The following TMEM132B variants were observed in gnomAD, a reference collection of about 807,000 sequenced individuals.
TMEM132B encodes the protein transmembrane protein 132B.
TMEM132B carries 18 observed loss-of-function variants against 90.8 expected under a neutral mutation model. The observed-to-expected ratio is 0.20, with a 90% CI of 0.14 to 0.29. The LOEUF is 0.29. Ranked by LOEUF, TMEM132B falls within the 10% of genes least tolerant of loss-of-function variation. The probability of loss-of-function intolerance (pLI) is 1.00; values close to 1 mark genes in which losing one functional copy is unlikely to be tolerated. For synonymous variants in TMEM132B, 504 were observed against 523.3 expected (o/e 0.96, Z 0.50); for missense variants, 1,096 against 1,326.8 (o/e 0.83, Z 2.70).
At chr12:125,603,073 C>T (rs1885608772) in intron 5 of TMEM132B, among the ~76,000 whole-genome samples, 1 of 152,186 alleles carries the variant, frequency 6.6e-6, no homozygotes, top group Admixed American at 6.5e-5. Context: ...ATCAAACTAC[C>T]ATTTACATTC....
chr12:125,378,757 T>C (rs1878570756), intron 2 of TMEM132B, among the ~76,000 whole-genome samples: 1 of 152,100 alleles, frequency 6.6e-6, no homozygotes, highest in Non-Finnish European at 1.5e-5. Context: ...GACATTTCTG[T>C]CCCCACTCCT....
intron 2 of TMEM132B, among the ~76,000 whole-genome samples, chr12:125,413,098 C>T (rs550234358): frequency 2.2e-4 from 34 of 152,182 alleles, no homozygotes; most frequent in Non-Finnish European, 3.8e-4. Context: ...ATGAGATATG[C>T]AGACATTTGA....
intron 1 of TMEM132B, among the ~76,000 whole-genome samples, chr12:125,324,296 A>T (rs1876502267): frequency 6.6e-6 from 1 of 152,348 alleles, no homozygotes; most frequent in South Asian, 2.1e-4. Flanking sequence ...AAAGAGTTAG[A>T]TCCAAAACAA....
At chr12:125,622,897 A>C (rs17438004) in intron 5 of TMEM132B, among the ~76,000 whole-genome samples, 15,742 of 152,224 alleles carry the variant, frequency 0.1, 1,076 homozygotes, top group South Asian at 0.21. Flanking sequence ...TTATAGTTTC[A>C]AAACAAGTTT....
chr12:125,212,428 C>T (rs1023799642), intron 1 of TMEM132B, among the ~76,000 whole-genome samples: 2 of 152,056 alleles, frequency 1.3e-5, no homozygotes, highest in South Asian at 4.2e-4. Context: ...CGTGGTGGCT[C>T]ATGCTTGTAA....
chr12:125,190,882 A>G (rs369391040), intron 1 of TMEM132B, among the ~76,000 whole-genome samples: 58 of 1,210 alleles, frequency 0.048, no homozygotes, highest in African/African-American at 0.093. Flanking sequence ...AGGGGTGGTG[A>G]TGGTGATGGG....
At chr12:125,232,251 T>C (rs1391777981) in intron 1 of TMEM132B, among the ~76,000 whole-genome samples, 1 of 152,210 alleles carries the variant, frequency 6.6e-6, no homozygotes, top group Non-Finnish European at 1.5e-5. Context: ...CTTTGTGTTA[T>C]CACCATCTCA....
chr12:125,207,832 C>T (rs551549593), intron 1 of TMEM132B, among the ~76,000 whole-genome samples: 30 of 152,156 alleles, frequency 2.0e-4, no homozygotes, highest in African/African-American at 3.1e-4. Flanking sequence ...CCTTTTGTGA[C>T]GAGCTTATTT....
chr12:125,300,787 AC>A (rs1474437249), intron 1 of TMEM132B: 1 of 152,026 alleles, frequency 6.6e-6, no homozygotes, highest in Non-Finnish European at 1.5e-5. Flanking sequence ...TGGGATCTGA[AC>A]CCCGGCCACT....
chr12:125,539,350 A>G (rs1883895704), intron 4 of TMEM132B, among the ~76,000 whole-genome samples: 1 of 152,138 alleles, frequency 6.6e-6, no homozygotes. Context: ...TCTCTCTGAC[A>G]GGCTCTCTCT....
intron 3 of TMEM132B, among the ~76,000 whole-genome samples, chr12:125,462,149 G>A (rs950397227): frequency 6.6e-5 from 10 of 152,146 alleles, no homozygotes; most frequent in Admixed American, 2.0e-4. Context: ...GAAATGTGGT[G>A]TACTGTTAAT....
chr12:125,525,632 C>G (rs541934919), intron 4 of TMEM132B, among the ~76,000 whole-genome samples: 14 of 152,318 alleles, frequency 9.2e-5, no homozygotes, highest in Non-Finnish European at 1.5e-4. Flanking sequence ...ATGACCCAAT[C>G]TCAGGTATTT....
intron 2 of TMEM132B, among the ~76,000 whole-genome samples, chr12:125,382,910 T>C (rs556116911): frequency 1.3e-5 from 2 of 152,190 alleles, no homozygotes; most frequent in Non-Finnish European, 2.9e-5. Context: ...GGTGGAGACA[T>C]AGGAGACATA....
chr12:125,599,879 A>G (rs1033467657), intron 5 of TMEM132B, among the ~76,000 whole-genome samples: 29 of 152,196 alleles, frequency 1.9e-4, no homozygotes, highest in Non-Finnish European at 3.4e-4. Flanking sequence ...CTTGATGATT[A>G]CATAGCAGTT....
At position 125,383,750 on chromosome 12, in the gene TMEM132B, T is replaced by C. The variant is rs59490872; in HGVS notation, c.960-31781T>C. Among the ~76,000 whole-genome samples the C allele has an allele frequency of 8.3e-3, 1,266 of 152,270 alleles. 21 individuals are homozygous for C. The highest frequency in any genetic ancestry group is 0.028 in the African/African-American group (1,155 of 41,552). ...AGATGGCAACTATAAATAATAAATA[T>C]ATACAAAGCTAAAGTTATTACATCC... is the stretch of plus-strand genomic sequence containing the variant. On this transcript the variant is annotated intron_variant, in intron 2 of 8. Coordinates refer to ENST00000682704, the MANE Select transcript of TMEM132B (RefSeq NM_001366854.1).
intron 1 of TMEM132B, among the ~76,000 whole-genome samples, chr12:125,257,834 TCAG>T (rs1874474574): frequency 6.6e-6 from 1 of 152,162 alleles, no homozygotes; most frequent in Non-Finnish European, 1.5e-5. Context: ...CCTGCAGCCA[TCAG>T]CAGCTGGAGA....
chr12:125,613,610 C>T (rs1371869306), intron 5 of TMEM132B, among the ~76,000 whole-genome samples: 2 of 151,754 alleles, frequency 1.3e-5, no homozygotes, highest in Admixed American at 1.3e-4. Flanking sequence ...TACCATATAT[C>T]TTATCAGATA....
chr12:125,188,405 A>G (rs1957772301), intron 1 of TMEM132B, among the ~76,000 whole-genome samples: 1 of 152,072 alleles, frequency 6.6e-6, no homozygotes, highest in Admixed American at 6.5e-5. Context: ...TGAAAATTGC[A>G]GTTTTGTCTC....
intron 1 of TMEM132B, among the ~76,000 whole-genome samples, chr12:125,189,256 G>T (rs1957781146): frequency 6.6e-6 from 1 of 152,232 alleles, no homozygotes. Context: ...CCTATTATTC[G>T]AGCCACTTTT....
Sources: allele counts gnomAD v4.1 joint callset (sites outside exome capture counted in the v4.1 genomes callset), GRCh38; gene constraint gnomAD v4.1.1; transcripts MANE v1.5; gene names NCBI Gene and HGNC (gene_info 2026-07-23, HGNC 2026-07-21).